Variants in MNAT1 observed in about 807,000 individuals in gnomAD.
MNAT1 encodes MNAT1 component of CDK activating kinase.
A neutral mutation model predicts 42.0 loss-of-function variants in MNAT1; 43 were observed. That is an observed-to-expected ratio of 1.02 (90% CI 0.80 to 1.32). The LOEUF is 1.32. MNAT1 is among the 40% of genes most tolerant of loss of function. MNAT1 has a pLI of 0.00. For synonymous variants in MNAT1, 118 were observed against 120.0 expected, an observed-to-expected ratio of 0.98 and a Z score of 0.11; for missense variants, 306 against 350.4, an observed-to-expected ratio of 0.87 and a Z score of 1.01.
At chr14:60,928,187 C>T (rs1256467311) in intron 7 of MNAT1, among the ~76,000 whole-genome samples, 1 of 152,104 alleles carries the variant, frequency 6.6e-6, no homozygotes, top group Non-Finnish European at 1.5e-5. Context: ...GTATATATAT[C>T]CATGTTTCAT....
chr14:60,853,337 T>C (rs1321574914), intron 6 of MNAT1, among the ~76,000 whole-genome samples: 6 of 152,080 alleles, frequency 3.9e-5, no homozygotes, highest in Admixed American at 6.6e-5. Context: ...CATGATTTGG[T>C]TCTCTGCTTG....
intron 7 of MNAT1, among the ~76,000 whole-genome samples, chr14:60,904,395 G>A (rs2139511748): frequency 6.6e-6 from 1 of 151,992 alleles, no homozygotes; most frequent in Non-Finnish European, 1.5e-5. Flanking sequence ...TTGTTTTTGG[G>A]GGCATTTAAA....
At chr14:60,745,725 C>T (rs1302104666) in intron 1 of MNAT1, among the ~76,000 whole-genome samples, 7 of 152,142 alleles carry the variant, frequency 4.6e-5, no homozygotes, top group East Asian at 1.9e-4. Flanking sequence ...CTGTTGCGCC[C>T]GGCCCCTGTT....
chr14:60,910,611 A>C (rs765581900), intron 7 of MNAT1, among the ~76,000 whole-genome samples: 1 of 152,170 alleles, frequency 6.6e-6, no homozygotes, highest in Non-Finnish European at 1.5e-5. Flanking sequence ...GGTTCTGTTA[A>C]TATGCTGGAT....
At chr14:60,959,747 T>C (rs1376947416) in intron 7 of MNAT1, among the ~76,000 whole-genome samples, 1 of 152,198 alleles carries the variant, frequency 6.6e-6, no homozygotes, top group Non-Finnish European at 1.5e-5. Flanking sequence ...ATTATTGTTC[T>C]TTGTGAAGAA....
chr14:60,844,735 A>G (rs979006522), intron 6 of MNAT1, among the ~76,000 whole-genome samples: 2 of 152,030 alleles, frequency 1.3e-5, no homozygotes, highest in African/African-American at 2.4e-5. Context: ...TAGTCTTTTG[A>G]CATTATATGT....
At chr14:60,743,606 G>A (rs1896535881) in intron 1 of MNAT1, among the ~76,000 whole-genome samples, 1 of 152,182 alleles carries the variant, frequency 6.6e-6, no homozygotes, top group East Asian at 1.9e-4. Context: ...ATTTCTTATA[G>A]TGTAGGTGTG....
intron 7 of MNAT1, among the ~76,000 whole-genome samples, chr14:60,937,156 T>C (rs1432715187): frequency 1.3e-5 from 2 of 151,978 alleles, no homozygotes; most frequent in African/African-American, 4.8e-5. Context: ...GTTGCAAAAA[T>C]TTTCTCCCAT....
At chr14:60,809,079 AG>A (rs541989197) in intron 4 of MNAT1, 3 of 152,282 alleles carry the variant, frequency 2.0e-5, no homozygotes, top group African/African-American at 7.2e-5. Flanking sequence ...TATTCTATAA[AG>A]AAAAAATTGT....
intron 7 of MNAT1, among the ~76,000 whole-genome samples, chr14:60,933,689 A>C (rs1254952893): frequency 1.3e-5 from 2 of 152,162 alleles, no homozygotes; most frequent in African/African-American, 4.8e-5. Flanking sequence ...TCCCATAGCT[A>C]TTGACAGTCT....
intron 1 of MNAT1, among the ~76,000 whole-genome samples, chr14:60,793,909 A>G (rs1415861603): frequency 6.6e-6 from 1 of 152,162 alleles, no homozygotes; most frequent in Non-Finnish European, 1.5e-5. Context: ...TACGTAGGAA[A>G]ATAAACTGCA....
At chr14:60,886,386 T>G (rs2094096787) in intron 7 of MNAT1, among the ~76,000 whole-genome samples, 1 of 152,046 alleles carries the variant, frequency 6.6e-6, no homozygotes, top group African/African-American at 2.4e-5. Flanking sequence ...ATGGGATTTG[T>G]TGCCGTTTAT....
At chr14:60,904,431 A>G (rs910739154) in intron 7 of MNAT1, among the ~76,000 whole-genome samples, 1 of 152,308 alleles carries the variant, frequency 6.6e-6, no homozygotes. Flanking sequence ...CATATCTAAC[A>G]TGAATCTTTG....
chr14:60,930,215 A>C (rs1197804135), intron 7 of MNAT1, among the ~76,000 whole-genome samples: 1 of 144,408 alleles, frequency 6.9e-6, no homozygotes, highest in African/African-American at 2.6e-5. Flanking sequence ...CTTTATTATT[A>C]TTATTATTAT....
chr14:60,780,210 A>G, intron 1 of MNAT1: 1 of 1,458,662 alleles, frequency 6.9e-7, no homozygotes, highest in South Asian at 1.1e-5. Flanking sequence ...TGGTTATACA[A>G]GTGTTCAGTT....
intron 7 of MNAT1, among the ~76,000 whole-genome samples, chr14:60,890,043 T>C (rs1054618583): frequency 2.6e-5 from 4 of 152,318 alleles, no homozygotes; most frequent in South Asian, 2.1e-4. Context: ...GTCAGTGTGG[T>C]GATTCCTCAG....
chr14:60,781,461 A>G lies in MNAT1; in HGVS notation c.90-14756A>G, dbSNP rs146116320. On this transcript the variant is annotated intron_variant, in intron 1 of 7. Coordinates refer to ENST00000261245, the MANE Select transcript of MNAT1 (RefSeq NM_002431.4). ...TAGTATTGTGTTTCCCCTCCCACTTATGAAAAGTTTTAAATTTAAAATTGT... is the reference window on the plus strand; with the variant it reads ...TAGTATTGTGTTTCCCCTCCCACTTGTGAAAAGTTTTAAATTTAAAATTGT... 1.1e-3 allele frequency among the ~76,000 whole-genome samples: 164 copies of G among 152,236 alleles called. No individual in the cohort carries two copies. The East Asian group carries it at 0.022, about 21-fold the overall frequency.
At chr14:60,873,755 G>A (rs1402748362) in intron 6 of MNAT1, among the ~76,000 whole-genome samples, 2 of 151,294 alleles carry the variant, frequency 1.3e-5, no homozygotes, top group Non-Finnish European at 2.9e-5. Flanking sequence ...ACAGGCATAA[G>A]CCACTGTGCC....
intron 7 of MNAT1, among the ~76,000 whole-genome samples, chr14:60,939,442 C>T (rs774445263): frequency 5.3e-5 from 8 of 152,120 alleles, no homozygotes; most frequent in Non-Finnish European, 7.3e-5. Context: ...TCTCTGTTCT[C>T]GTTGGTTTCA....
Sources: allele counts gnomAD v4.1 joint callset (sites outside exome capture counted in the v4.1 genomes callset), GRCh38; gene constraint gnomAD v4.1.1; transcripts MANE v1.5; gene names NCBI Gene and HGNC (gene_info 2026-07-23, HGNC 2026-07-21).